The following POR variants were observed in gnomAD, a reference collection of about 807,000 sequenced individuals.
POR encodes NADPH--cytochrome P450 reductase.
Under a neutral mutation model 84.0 loss-of-function variants are expected in POR, and 56 were observed. The observed-to-expected ratio is 0.67, with a 90% confidence interval of 0.54 to 0.83. POR has a LOEUF of 0.83. POR is among the 40% of genes least tolerant of loss of function. The pLI is 0.00. For synonymous variants in POR, 414 were observed against 400.5 expected (o/e 1.03, Z -0.40); for missense variants, 938 against 944.3 (o/e 0.99, Z 0.09).
intron 1 of POR, among the ~76,000 whole-genome samples, chr7:75,929,175 A>G (rs1304742369): frequency 6.6e-6 from 1 of 152,170 alleles, no homozygotes; most frequent in Non-Finnish European, 1.5e-5. Flanking sequence ...GGTTTTTAGT[A>G]ACCCTACTGC....
intron 1 of POR, among the ~76,000 whole-genome samples, chr7:75,925,892 G>A (rs911798084): frequency 1.3e-5 from 2 of 152,170 alleles, no homozygotes; most frequent in Non-Finnish European, 2.9e-5. Context: ...GCAGGCAGGA[G>A]TGAAGCTTGA....
At chr7:75,972,951 T>C (rs1358020933) in intron 3 of POR, among the ~76,000 whole-genome samples, 2 of 151,902 alleles carry the variant, frequency 1.3e-5, no homozygotes, top group African/African-American at 2.4e-5. Context: ...GCCTCCCGAG[T>C]AGCTGGGATT....
intron 2 of POR, among the ~76,000 whole-genome samples, chr7:75,962,406 C>A (rs1207586686): frequency 6.6e-6 from 1 of 152,102 alleles, no homozygotes; most frequent in Non-Finnish European, 1.5e-5. Flanking sequence ...GGGATCGTCC[C>A]ATCTCAGCCC....
rs1029735819 is a variant in POR at position 75,978,685 on chromosome 7, G to T, written c.238-766G>T. ...ATTACAGGCATGTGCCACCATGCCC[G>T]GCTAATTTTGTATTTTTAGTAGAGA... On this transcript the variant is annotated intron_variant, in intron 3 of 15. Transcript: ENST00000461988. Among the ~76,000 whole-genome samples the T allele has an allele frequency of 2.0e-5, 3 of 152,224 alleles. No individual in the cohort carries two copies. In the East Asian group the frequency reaches 5.8e-4, roughly 29 times the overall value.
intron 1 of POR, among the ~76,000 whole-genome samples, chr7:75,941,403 G>A (rs1281319477): frequency 6.6e-6 from 1 of 152,116 alleles, no homozygotes; most frequent in Non-Finnish European, 1.5e-5. Context: ...ATGATCCTTG[G>A]TGACCAGCTC....
chr7:75,981,395 T>C (rs908994548), intron 6 of POR, 122 bp from the exon 7 acceptor site: 6 of 1,187,450 alleles, frequency 5.1e-6, no homozygotes, highest in Non-Finnish European at 7.1e-6. Flanking sequence ...TGTCGCTGGG[T>C]GCCCCAGGGT....
At chr7:75,985,495 G>T in intron 12 of POR, 84 bp from the exon 13 acceptor site, 1 of 1,424,568 alleles carries the variant, frequency 7.0e-7, no homozygotes, top group Non-Finnish European at 9.3e-7. Context: ...GGGTGAGTGG[G>T]GCTGGCCTGC....
chr7:75,925,076 G>A (rs1807051437), intron 1 of POR, among the ~76,000 whole-genome samples: 1 of 152,216 alleles, frequency 6.6e-6, no homozygotes, highest in Non-Finnish European at 1.5e-5. Context: ...ACTCTGGGAG[G>A]TGATGGTGTC....
At chr7:75,957,510 G>GT (rs1787739999) in intron 2 of POR, among the ~76,000 whole-genome samples, 1 of 150,714 alleles carries the variant, frequency 6.6e-6, no homozygotes, top group African/African-American at 2.4e-5. Flanking sequence ...CCCCACCGCC[G>GT]TGAGTGAGGA....
At chr7:75,980,789 G>C in intron 5 of POR, 2 of 1,361,856 alleles carry the variant, frequency 1.5e-6, no homozygotes. Context: ...CCAGCCCGGT[G>C]GGGAGGGTGG....
intron 15 of POR, 39 bp downstream of exon 15, chr7:75,986,280 A>AC: frequency 6.2e-7 from 1 of 1,612,566 alleles, no homozygotes; most frequent in South Asian, 1.1e-5. Flanking sequence ...GGCAGGGAGG[A>AC]CAAGGCCCTG....
At chr7:75,953,902 G>C in intron 1 of POR, 87 bp from the exon 2 acceptor site, 1 of 1,073,766 alleles carries the variant, frequency 9.3e-7, no homozygotes, top group Non-Finnish European at 1.3e-6. Flanking sequence ...CCAGGGGCAA[G>C]GCCCAGCATT....
chr7:75,945,705 C>T (rs1787144016), intron 1 of POR, among the ~76,000 whole-genome samples: 1 of 152,144 alleles, frequency 6.6e-6, no homozygotes, highest in East Asian at 1.9e-4. Context: ...GGTGCCAGAG[C>T]CTTGTCTAGG....
chr7:75,980,807 C>G, intron 5 of POR: 1 of 1,292,452 alleles, frequency 7.7e-7, no homozygotes, highest in Non-Finnish European at 1.0e-6. Flanking sequence ...TGGGCTGGCC[C>G]CGCTTCCCTG....
At position 75,984,762 on chromosome 7, in the gene POR, GTC is replaced by G; in HGVS notation, c.1067-11_1067-10del. 1 of 1,611,784 alleles carries G rather than the reference GTC, an allele frequency of 6.2e-7. No individual in the cohort carries two copies. Among genetic ancestry groups the G allele is most frequent in the East Asian group, 2.2e-5 (1 of 44,836 alleles). On this transcript the variant is annotated splice_polypyrimidine_tract_variant and intron_variant, in intron 10 of 15. Coordinates refer to ENST00000461988, the MANE Select transcript of POR (RefSeq NM_000941.3). ...CGGCCGCCTACCCCAAGTCCTGCCT[GTC>G]TCTTCCCTGCAGAGGAGTCCAACAA...
At chr7:75,983,128 G>A (rs905308084) in intron 8 of POR, among the ~76,000 whole-genome samples, 1 of 152,136 alleles carries the variant, frequency 6.6e-6, no homozygotes, top group Non-Finnish European at 1.5e-5. Flanking sequence ...ATCACCTGAG[G>A]TCAGGAGTTC....
intron 3 of POR, chr7:75,972,827 A>AC (rs1788501019): frequency 3.3e-6 from 1 of 300,722 alleles, no homozygotes; most frequent in African/African-American, 2.2e-5. Context: ...TGTTTTTGTT[A>AC]CTTTTTTTTT....
chr7:75,920,062 T>C (rs1806777366), intron 1 of POR, among the ~76,000 whole-genome samples: 2 of 131,936 alleles, frequency 1.5e-5, no homozygotes, highest in Non-Finnish European at 3.2e-5. Context: ...ATTTCTTTTT[T>C]TTTTTTTTTT....
rs1487719864 is a variant in POR at position 75,972,288 on chromosome 7, G to A, written c.189-125G>A. On this transcript the variant is annotated intron_variant, in intron 2 of 15. Coordinates refer to ENST00000461988, the MANE Select transcript of POR (RefSeq NM_000941.3). ...TGGGGAGTGGCACGGGACAAAGCTG[G>A]AATGTCCCCTCCCTGTGCTGCCACA... The A allele has an allele frequency of 4.7e-6, 4 of 856,642 alleles. No individual in the cohort carries two copies. The East Asian group carries it at 1.1e-4, about 23-fold the overall frequency. 53.1% of individuals were successfully genotyped at this position (856,642 alleles called of 1,614,324 possible).
Sources: gnomAD v4.1 joint callset for allele counts (sites outside exome capture counted in the v4.1 genomes callset) on GRCh38, gnomAD v4.1.1 for gene constraint, MANE v1.5 for transcripts, NCBI Gene and HGNC (gene_info 2026-07-23, HGNC 2026-07-21) for gene names.